The following CYP3A4 variants were observed in gnomAD, a reference collection of about 807,000 sequenced individuals.
CYP3A4 encodes the protein cytochrome P450 family 3 subfamily A member 4.
A neutral mutation model predicts 54.9 loss-of-function variants in CYP3A4; 41 were observed. That is an observed-to-expected ratio of 0.75 (90% confidence interval 0.58 to 0.97). The LOEUF (loss-of-function observed/expected upper bound fraction) is 0.97, where lower values mean the gene tolerates loss of function less well. Among genes scored for constraint, CYP3A4 ranks in the 50% least tolerant of loss-of-function variants. CYP3A4 has a pLI of 0.00. For synonymous variants in CYP3A4, 179 were observed against 205.2 expected, an observed-to-expected ratio of 0.87 and a Z score of 1.09; for missense variants, 510 against 597.3, an observed-to-expected ratio of 0.85 and a Z score of 1.52.
intron 9 of CYP3A4, among the ~76,000 whole-genome samples, chr7:99,764,646 T>C (rs1371246292): frequency 1.3e-5 from 2 of 152,224 alleles, no homozygotes; most frequent in African/African-American, 2.4e-5. Context: ...TGATTCAAAA[T>C]CTGAACTTTC....
intron 9 of CYP3A4, among the ~76,000 whole-genome samples, chr7:99,765,483 AGAT>A (rs1195089088): frequency 3.5e-5 from 5 of 144,138 alleles, no homozygotes; most frequent in African/African-American, 5.7e-5. Flanking sequence ...ATAGATAGAT[AGAT>A]GATAGATAGA....
rs371763998 is a variant in CYP3A4, at chr7:99,784,016, G to C, written c.66C>G (p.Leu22=). Residue 22 remains leucine (L), a synonymous_variant, in exon 1 of 13, where the codon CTC becomes CTG. Transcript: ENST00000651514. ...GAGCCTGGACAGTTACTCACAGATAGAGGAGCACCAGGCTGACAGCCAGGA... is the reference window on the plus strand; with the variant it reads ...GAGCCTGGACAGTTACTCACAGATACAGGAGCACCAGGCTGACAGCCAGGA... ...WLLLAVSLVL[L]YLYGTHSHGL... is the part of the protein sequence containing the mutation. 4.3e-6 allele frequency: 7 copies of C among 1,613,730 alleles called. No individual in the cohort carries two copies. In the African/African-American group the frequency reaches 6.7e-5, roughly 15 times the overall value.
At chr7:99,772,765 C>T (rs1815667049) in intron 3 of CYP3A4, 76 bp from the exon 4 acceptor site, 15 of 1,468,812 alleles carry the variant, frequency 1.0e-5, no homozygotes, top group Non-Finnish European at 1.4e-5. Context: ...GGAAGCCAGA[C>T]TTTGATCCTG....
In CYP3A4 at chr7:99,770,126, T is replaced by C; in HGVS notation, c.428A>G (p.Lys143Arg). 6.2e-7 allele frequency: 1 copy of C among 1,610,126 alleles called. No individual in the cohort carries two copies. Among genetic ancestry groups the C allele is most frequent in the South Asian group, 1.1e-5 (1 of 91,004 alleles). ...AAACTCATGTTATTTTCATACCTCC[T>C]TGAGTTTTCCACTGGTGAAGGTTGG... ...LSPTFTSGKL[K>R]EMVPIIAQYG... The change falls in exon 5 of 13, where the codon AAG (lysine) becomes AGG (arginine). Residue 143 changes from lysine to arginine, a missense_variant. This residue lies in a region of CYP3A4 where 272 missense variants were observed against 274.9 expected (regional missense o/e 0.99). Coordinates refer to ENST00000651514, the MANE Select transcript of CYP3A4 (RefSeq NM_017460.6).
intron 1 of CYP3A4, 106 bp downstream of exon 1, chr7:99,783,905 G>T: frequency 7.5e-7 from 1 of 1,334,258 alleles, no homozygotes; most frequent in Non-Finnish European, 1.1e-6. Context: ...CACCACGCCC[G>T]GCCTGAACAT....
chr7:99,767,390 C>T, intron 7 of CYP3A4, 132 bp from the exon 8 acceptor site: 1 of 798,282 alleles, frequency 1.3e-6, no homozygotes, highest in East Asian at 2.9e-5. Context: ...GGAAGCCATT[C>T]CTTCTATGAC....
At chr7:99,767,978 G>T (rs1465897659) in intron 7 of CYP3A4, among the ~76,000 whole-genome samples, 1 of 152,170 alleles carries the variant, frequency 6.6e-6, no homozygotes, top group African/African-American at 2.4e-5. Flanking sequence ...TAAGCCTGAA[G>T]CCAGCAGAAG....
rs186829537 is a variant in CYP3A4, at chr7:99,778,875, G to A, written c.166-795C>T. On this transcript the variant is annotated intron_variant, in intron 2 of 12. Coordinates refer to ENST00000651514, the MANE Select transcript of CYP3A4 (RefSeq NM_017460.6). ...AGAGTTGACCTGGAAAAGGTGGCGG[G>A]GAAATTATTGCTTTTGCACAGGGAA... Among the ~76,000 whole-genome samples the A allele has an allele frequency of 2.3e-3, 354 of 152,276 alleles. 4 individuals carry two copies. Among genetic ancestry groups the A allele is most frequent in the African/African-American group, 7.7e-3 (322 of 41,568 alleles).
intron 10 of CYP3A4, among the ~76,000 whole-genome samples, chr7:99,763,464 A>G (rs912857474): frequency 5.3e-5 from 8 of 152,178 alleles, no homozygotes; most frequent in African/African-American, 1.9e-4. Flanking sequence ...TCCTGTGTCC[A>G]TATGTGGATA....
At chr7:99,765,256 A>G (rs1246962789) in intron 9 of CYP3A4, among the ~76,000 whole-genome samples, 3 of 152,204 alleles carry the variant, frequency 2.0e-5, no homozygotes, top group Non-Finnish European at 4.4e-5. Flanking sequence ...CTGAAATACC[A>G]TTTAAAATTG....
At chr7:99,761,090 A>G (rs1815312950) in intron 11 of CYP3A4, 109 bp from the exon 12 acceptor site, 94 of 1,270,610 alleles carry the variant, frequency 7.4e-5, no homozygotes, top group Non-Finnish European at 9.9e-5. Flanking sequence ...AGTACACAGG[A>G]TACTTTTGTG....
chr7:99,763,736 A>G (rs1815401393), intron 10 of CYP3A4, 119 bp downstream of exon 10: 5 of 1,329,888 alleles, frequency 3.8e-6, no homozygotes, highest in Non-Finnish European at 4.1e-6. Flanking sequence ...CTTCCTACAT[A>G]GAGTCAGTGA....
chr7:99,778,165 C>A, intron 2 of CYP3A4, 85 bp from the exon 3 acceptor site: 1 of 1,099,306 alleles, frequency 9.1e-7, no homozygotes, highest in South Asian at 1.4e-5. Flanking sequence ...CAGTCGAAGC[C>A]AATGAAATCA....
In CYP3A4 at chr7:99,760,960, G is replaced by A. The variant is rs771694686; in HGVS notation, c.1275C>T (p.Asp425=). Residue 425 remains aspartate, a synonymous_variant, in exon 12 of 13, where the codon GAC becomes GAT. Coordinates refer to ENST00000651514, the MANE Select transcript of CYP3A4 (RefSeq NM_017460.6). The part of the protein sequence containing the change: ...LPERFSKKNK[D]NIDPYIYTPF... ...GTGTGTATATGTAAGGATCTATGTT[G>A]TCCTTGTTCTTCTTGCTGAATCTGG... 3.1e-6 allele frequency: 5 copies of A among 1,613,368 alleles called. No homozygotes were observed. The highest frequency in any genetic ancestry group is 4.2e-6 in the Non-Finnish European group (5 of 1,179,780).
chr7:99,783,737 TA>T (rs1461529209), intron 1 of CYP3A4, among the ~76,000 whole-genome samples: 1 of 151,174 alleles, frequency 6.6e-6, no homozygotes, highest in Non-Finnish European at 1.5e-5. Flanking sequence ...GCCTCCCAAG[TA>T]GCTGGGAATA....
chr7:99,781,522 C>T (rs1409824622), intron 1 of CYP3A4, among the ~76,000 whole-genome samples: 3 of 152,116 alleles, frequency 2.0e-5, no homozygotes, highest in Admixed American at 6.5e-5. Context: ...ATGAACTCCC[C>T]GAACTGGGGT....
At chr7:99,768,556 C>T in intron 6 of CYP3A4, 54 bp from the exon 7 acceptor site, 2 of 1,611,652 alleles carry the variant, frequency 1.2e-6, no homozygotes, top group Admixed American at 1.7e-5. Flanking sequence ...ACCATCCTTC[C>T]TCTATGCATG....
rs4986913 is a variant in CYP3A4 at position 99,760,836 on chromosome 7, G to A, written c.1399C>T (p.Pro467Ser). The A allele has an allele frequency of 7.2e-5, 117 of 1,613,960 alleles. 1 individual carries two copies. In the South Asian group the frequency reaches 1.2e-3, roughly 17 times the overall value. ...IRVLQNFSFK[P>S]CKETQIPLKL... ...TGACTAACCTGTGTTTCTTTACAAG[G>A]TTTGAAGGAGAAGTTCTGAAGGACT... The change falls in exon 12 of 13, where the codon CCT (proline) becomes TCT (serine). Residue 467 changes from proline (P) to serine (S), a missense_variant. By Grantham distance (74) the Pro-to-Ser change is moderately conservative. Around this residue, in one of 2 missense-constraint regions of CYP3A4, gnomAD observed 238 missense variants for 322.5 expected, o/e 0.74. Transcript: ENST00000651514.
chr7:99,783,935 A>G, intron 1 of CYP3A4, 76 bp downstream of exon 1: 1 of 1,489,982 alleles, frequency 6.7e-7, no homozygotes, highest in Non-Finnish European at 9.4e-7. Flanking sequence ...TCTTCAAAAC[A>G]GATAAGGGAA....
Sources: allele counts gnomAD v4.1 joint callset (sites outside exome capture counted in the v4.1 genomes callset), GRCh38; gene constraint gnomAD v4.1.1; regional missense constraint gnomAD v4.1.1; transcripts MANE v1.5; gene names NCBI Gene and HGNC (gene_info 2026-07-23, HGNC 2026-07-21).